AHCTF1: variants seen among roughly 807,000 people sequenced by gnomAD.
The protein encoded by AHCTF1 is AT-hook containing transcription factor 1, also known as protein ELYS.
A neutral mutation model predicts 248.4 loss-of-function variants in AHCTF1; 24 were observed. The observed-to-expected ratio is 0.10, with a 90% CI of 0.07 to 0.14. The LOEUF is 0.14. AHCTF1 is among the 10% of genes least tolerant of loss of function. AHCTF1 has a pLI of 1.00. For missense variants in AHCTF1, 2,206 were observed against 2,636.2 expected (o/e 0.84, Z 3.57); for synonymous variants, 786 against 929.8 (o/e 0.85, Z 2.81).
At chr1:246,901,298 G>A (rs766026947) in intron 8 of AHCTF1, among the ~76,000 whole-genome samples, 2 of 152,040 alleles carry the variant, frequency 1.3e-5, no homozygotes, top group Non-Finnish European at 2.9e-5. Context: ...ACGAGATCGT[G>A]CAAGTGCACT....
At chr1:246,931,038 A>G in intron 1 of AHCTF1, 1 of 1,468,660 alleles carries the variant, frequency 6.8e-7, no homozygotes, top group Non-Finnish European at 9.1e-7. Context: ...ATGTGCTTTT[A>G]TTTTAAATCT....
At chr1:246,864,561 T>C (rs533561959) in intron 26 of AHCTF1, among the ~76,000 whole-genome samples, 1 of 152,274 alleles carries the variant, frequency 6.6e-6, no homozygotes, top group South Asian at 2.1e-4. Context: ...TTTGCCTTTA[T>C]GGTTCTGATT....
chr1:246,868,945 C>CT (rs1302452229), intron 24 of AHCTF1, among the ~76,000 whole-genome samples: 1 of 150,072 alleles, frequency 6.7e-6, no homozygotes, highest in Non-Finnish European at 1.5e-5. Flanking sequence ...CCCGGGTTCA[C>CT]GCCATTCTCC....
chr1:246,873,749 T>C (rs1164585989), intron 24 of AHCTF1, among the ~76,000 whole-genome samples: 1 of 152,196 alleles, frequency 6.6e-6, no homozygotes, highest in African/African-American at 2.4e-5. Flanking sequence ...GCCATGCAAT[T>C]TGTGGTGACC....
intron 5 of AHCTF1, among the ~76,000 whole-genome samples, chr1:246,907,194 G>T (rs756917277): frequency 4.6e-5 from 7 of 152,032 alleles, no homozygotes; most frequent in Non-Finnish European, 7.4e-5. Flanking sequence ...ACATTAAAAA[G>T]GTACAATCAA....
intron 1 of AHCTF1, among the ~76,000 whole-genome samples, chr1:246,919,922 T>C (rs61854043): frequency 1.3e-5 from 2 of 151,562 alleles, no homozygotes; most frequent in Non-Finnish European, 2.9e-5. Flanking sequence ...AGGAGGATCA[T>C]GAGCTCAAGA....
intron 21 of AHCTF1, among the ~76,000 whole-genome samples, chr1:246,879,353 G>A (rs1663225298): frequency 6.6e-6 from 1 of 152,174 alleles, no homozygotes; most frequent in African/African-American, 2.4e-5. Flanking sequence ...TAACCTTGAT[G>A]GAGGGTAATT....
chr1:246,866,641 TAAAAC>T (rs373981950), intron 26 of AHCTF1, among the ~76,000 whole-genome samples: 91 of 152,172 alleles, frequency 6.0e-4, no homozygotes, highest in African/African-American at 2.0e-3. Flanking sequence ...TTGTCTTTGA[TAAAAC>T]AATCAAAAAT....
Position 246,929,274 on chromosome 1 carries a change from C to T in AHCTF1, c.-8+2304G>A, listed in dbSNP as rs144607057. On this transcript the variant is annotated intron_variant, in intron 1 of 35. Transcript: ENST00000648844. The stretch of plus-strand genomic sequence containing the variant: ...AATACAAAAAATTAGCCGAGTGTGG[C>T]GGCGCGTTCCTGTAGTCCCAGCTAC... Among the ~76,000 whole-genome samples the T allele has an allele frequency of 3.9e-3, 588 of 152,054 alleles. 6 individuals are homozygous for T. The highest frequency in any genetic ancestry group is 0.014 in the African/African-American group (562 of 41,478).
Position 246,860,881 on chromosome 1 carries a change from T to TTTTTTTCTTTTTGAGACAGTAAGA in AHCTF1, c.4132+17_4132+18insTCTTACTGTCTCAAAAAGAAAAAA. ...GGACATTAATAACAATTTTGAGTAT[T>TTTTTTTCTTTTTGAGACAGTAAGA]CAGAAATGAGTTCTTACCCATTTGT... On this transcript the variant is annotated intron_variant, in intron 29 of 35. Transcript: ENST00000648844. The TTTTTTTCTTTTTGAGACAGTAAGA allele has an allele frequency of 6.3e-7, 1 of 1,594,246 alleles. No individual in the cohort carries two copies. Among genetic ancestry groups the TTTTTTTCTTTTTGAGACAGTAAGA allele is most frequent in the South Asian group, 1.1e-5 (1 of 89,366 alleles).
At chr1:246,895,488 G>T (rs1036377484) in intron 13 of AHCTF1, among the ~76,000 whole-genome samples, 1 of 152,156 alleles carries the variant, frequency 6.6e-6, no homozygotes, top group African/African-American at 2.4e-5. Flanking sequence ...ATTTTGCTGA[G>T]TAAAAAAGGT....
At position 246,842,642 on chromosome 1, in the gene AHCTF1, G is replaced by C. The variant is rs933247515; in HGVS notation, c.6608+52C>G. On this transcript the variant is annotated intron_variant, in intron 35 of 35. Coordinates refer to ENST00000648844, the MANE Select transcript of AHCTF1 (RefSeq NM_001323342.2). The stretch of plus-strand genomic sequence containing the variant: ...AGGAGGATAGTAGGGTGGGGACAGA[G>C]CGAGACTGTCTCAATCAATCAATCA... 3 of 1,480,608 alleles carry C rather than the reference G, an allele frequency of 2.0e-6. No individual in the cohort carries two copies. The African/African-American group carries it at 4.2e-5, about 21-fold the overall frequency. The allele number at this position is 1,480,608 out of a possible 1,614,324, so 91.7% of individuals were successfully genotyped here.
intron 4 of AHCTF1, among the ~76,000 whole-genome samples, chr1:246,912,216 A>G (rs940944703): frequency 1.1e-4 from 16 of 151,934 alleles, no homozygotes; most frequent in East Asian, 1.9e-4. Flanking sequence ...GGTGGCTCAC[A>G]CCTGTAATCC....
intron 24 of AHCTF1, among the ~76,000 whole-genome samples, chr1:246,868,828 A>G (rs1199776097): frequency 1.4e-5 from 2 of 143,356 alleles, no homozygotes; most frequent in South Asian, 2.2e-4. Context: ...GCTTTGCTTC[A>G]TTGTGTGTGT....
At chr1:246,885,150 TA>T (rs1663725775) in intron 21 of AHCTF1, among the ~76,000 whole-genome samples, 1 of 152,166 alleles carries the variant, frequency 6.6e-6, no homozygotes, top group Non-Finnish European at 1.5e-5. Context: ...CAATAAACAT[TA>T]AGAATATTAA....
chr1:246,857,597 G>A (rs924232049), intron 30 of AHCTF1, 94 bp downstream of exon 30: 2 of 1,327,652 alleles, frequency 1.5e-6, no homozygotes, highest in African/African-American at 3.0e-5. Context: ...AAAGATCTAA[G>A]TGAAATCTAA....
chr1:246,885,884 A>G (rs1663784745), intron 20 of AHCTF1, among the ~76,000 whole-genome samples: 1 of 152,226 alleles, frequency 6.6e-6, no homozygotes, highest in Non-Finnish European at 1.5e-5. Context: ...AAGTGCAGAT[A>G]GAAAACATTT....
chr1:246,896,363 GAAT>G (rs771069340), intron 12 of AHCTF1, among the ~76,000 whole-genome samples: 1 of 152,166 alleles, frequency 6.6e-6, no homozygotes, highest in African/African-American at 2.4e-5. Flanking sequence ...TCATACAACA[GAAT>G]ATTATACAGC....
At chr1:246,881,667 G>A (rs1417935339) in intron 21 of AHCTF1, among the ~76,000 whole-genome samples, 1 of 151,684 alleles carries the variant, frequency 6.6e-6, no homozygotes, top group Non-Finnish European at 1.5e-5. Context: ...GTGAAACCCT[G>A]TCTCTACTAA....
Sources: allele counts gnomAD v4.1 joint callset (sites outside exome capture counted in the v4.1 genomes callset), GRCh38; gene constraint gnomAD v4.1.1; transcripts MANE v1.5; gene names NCBI Gene and HGNC (gene_info 2026-07-23, HGNC 2026-07-21).